The following TEX36 variants were observed in gnomAD, a reference collection of about 807,000 sequenced individuals.
The protein encoded by TEX36 is testis expressed 36.
TEX36 carries 12 observed loss-of-function variants against 13.6 expected under a neutral mutation model. The ratio of observed to expected loss-of-function variants is 0.88; its 90% CI spans 0.56 to 1.43. The LOEUF is 1.43. Among genes scored for constraint, TEX36 ranks in the 40% most tolerant of loss-of-function variants. TEX36 has a pLI of 0.00. For missense variants in TEX36, 224 were observed against 228.3 expected, an observed-to-expected ratio of 0.98 and a Z score of 0.12; for synonymous variants, 93 against 83.0, an observed-to-expected ratio of 1.12 and a Z score of -0.65.
chr10:125,603,487 C>T (rs1846175827), intron 3 of TEX36, among the ~76,000 whole-genome samples: 1 of 152,138 alleles, frequency 6.6e-6, no homozygotes, highest in African/African-American at 2.4e-5. Context: ...TTCTCTAACC[C>T]AGCCCCCAGG....
At chr10:125,612,973 C>G (rs1565174304) in intron 3 of TEX36, among the ~76,000 whole-genome samples, 1 of 151,946 alleles carries the variant, frequency 6.6e-6, no homozygotes, top group Non-Finnish European at 1.5e-5. Flanking sequence ...AAGGCAGCCA[C>G]CAGCCACCCC....
At chr10:125,620,899 T>C (rs1032681563), downstream of TEX36, among the ~76,000 whole-genome samples, 6 of 151,442 alleles carry the variant, frequency 4.0e-5, no homozygotes, top group East Asian at 3.9e-4. Context: ...TTGTGGCTGG[T>C]TTATTTTATT....
chr10:125,591,699 T>G (rs894206427), intron 3 of TEX36, among the ~76,000 whole-genome samples: 10 of 152,226 alleles, frequency 6.6e-5, no homozygotes, highest in African/African-American at 2.4e-4. Context: ...AGTGTAGCTA[T>G]AATACACATG....
intron 3 of TEX36, among the ~76,000 whole-genome samples, chr10:125,643,226 C>T (rs1846715348): frequency 6.6e-6 from 1 of 152,218 alleles, no homozygotes; most frequent in African/African-American, 2.4e-5. Context: ...CTGGGAGCCC[C>T]TACCCAGAAG....
intron 3 of TEX36, among the ~76,000 whole-genome samples, chr10:125,609,040 C>T (rs12765966): frequency 0.27 from 40,255 of 148,282 alleles, 5,477 homozygotes; most frequent in South Asian, 0.31. Context: ...GATGTGGTGG[C>T]GTGCACCTGT....
At chr10:125,581,480 T>G (rs1277422727) in intron 3 of TEX36, among the ~76,000 whole-genome samples, 2 of 152,140 alleles carry the variant, frequency 1.3e-5, no homozygotes, top group Non-Finnish European at 2.9e-5. Flanking sequence ...TCCTGGGTAT[T>G]CTCAATTTCC....
intron 1 of TEX36, chr10:125,667,981 A>G (rs1334775658): frequency 4.9e-6 from 4 of 816,150 alleles, no homozygotes; most frequent in South Asian, 2.8e-5. Context: ...CCAGTGCTTC[A>G]AAGGAAATTT....
Position 125,598,359 on chromosome 10 carries a change from G to T in TEX36, c.265-21485C>A, listed in dbSNP as rs548344441. Among the ~76,000 whole-genome samples, 5 of 152,298 alleles carry T rather than the reference G, an allele frequency of 3.3e-5. No individual in the cohort carries two copies. In the South Asian group the frequency reaches 6.2e-4, roughly 19 times the overall value. ...ACAAAAACTGGGTTAGTTTTTTGGC[G>T]GTGATGGTAACCCTGTCTGGGTGAT... On this transcript the variant is annotated intron_variant, in intron 3 of 3. Transcript: ENST00000532135.
At chr10:125,582,402 G>C (rs1034676146) in intron 3 of TEX36, among the ~76,000 whole-genome samples, 2 of 152,150 alleles carry the variant, frequency 1.3e-5, no homozygotes, top group African/African-American at 4.8e-5. Flanking sequence ...GCTCCACAGG[G>C]CCAGGGTGCA....
intron 3 of TEX36, among the ~76,000 whole-genome samples, chr10:125,644,269 G>C (rs1846734229): frequency 6.6e-6 from 1 of 152,176 alleles, no homozygotes; most frequent in African/African-American, 2.4e-5. Context: ...AGTGCAAATA[G>C]ATAAGTAGAC....
rs147068299 is a variant in TEX36, at chr10:125,579,744, T to A, written c.265-2870A>T. The stretch of plus-strand genomic sequence containing the variant: ...GGTTGTTTAAAAGTGTGTGGCGCCT[T>A]CCCTTTTGTTCTCTTCCTCCTTCTC... On this transcript the variant is annotated intron_variant, in intron 3 of 3. Coordinates refer to the TEX36 transcript ENST00000532135. 3.4e-4 allele frequency among the ~76,000 whole-genome samples: 51 copies of A among 152,206 alleles called. No individual in the cohort carries two copies. The East Asian group carries it at 9.7e-3, about 29-fold the overall frequency.
Position 125,655,942 on chromosome 10 carries a change from C to T in TEX36, c.519G>A (p.Arg173=). The change falls in exon 4 of 4, where the codon AGG becomes AGA. Residue 173 remains arginine, a synonymous_variant. Coordinates refer to ENST00000368821, the MANE Select transcript of TEX36 (RefSeq NM_001128202.3). The part of the protein sequence containing the change: ...TEVLKKKPKV[R]FTVDKKVVSS... ...AAACAACCTTTTTGTCAACAGTGAA[C>T]CTTACTTTGGGCTTCTTTTTCAAAA... 2 of 1,546,378 alleles carry T rather than the reference C, an allele frequency of 1.3e-6. No homozygotes were observed. The highest frequency in any genetic ancestry group is 1.7e-6 in the Non-Finnish European group (2 of 1,144,400).
chr10:125,638,978 A>G (rs933611165), intron 3 of TEX36, among the ~76,000 whole-genome samples: 2 of 152,262 alleles, frequency 1.3e-5, no homozygotes, highest in Non-Finnish European at 2.9e-5. Flanking sequence ...TTCAGTAAAT[A>G]AATAAATGAA....
intron 1 of TEX36, among the ~76,000 whole-genome samples, chr10:125,679,792 T>G (rs1004412511): frequency 6.6e-6 from 1 of 152,248 alleles, no homozygotes. Flanking sequence ...TTCTTCTAAG[T>G]GGGATAGGCG....
At chr10:125,576,640 G>A (rs1217069799) in exon 4 of TEX36, 3 of 1,359,248 alleles carry the variant, frequency 2.2e-6, no homozygotes, top group East Asian at 5.0e-5. Flanking sequence ...AATCCTGGTG[G>A]TTACTAACTA....
At chr10:125,608,300 G>A (rs909515369) in intron 3 of TEX36, among the ~76,000 whole-genome samples, 1 of 152,058 alleles carries the variant, frequency 6.6e-6, no homozygotes, top group South Asian at 2.1e-4. Flanking sequence ...ATGGTTTCAT[G>A]ACTATACATT....
intron 3 of TEX36, among the ~76,000 whole-genome samples, chr10:125,644,818 T>TG (rs1190457718): frequency 1.3e-5 from 2 of 152,226 alleles, no homozygotes; most frequent in Non-Finnish European, 2.9e-5. Context: ...TTATCCTGGT[T>TG]GGGTCAAGCT....
At chr10:125,668,334 C>T (rs1847161892) in intron 1 of TEX36, among the ~76,000 whole-genome samples, 1 of 151,186 alleles carries the variant, frequency 6.6e-6, no homozygotes, top group African/African-American at 2.4e-5. Context: ...ATTACTGATT[C>T]AGTCTCACTA....
At chr10:125,644,719 A>T (rs1016467882) in intron 3 of TEX36, among the ~76,000 whole-genome samples, 3 of 152,228 alleles carry the variant, frequency 2.0e-5, no homozygotes, top group Non-Finnish European at 4.4e-5. Context: ...GAACCTGTGA[A>T]TATGATGCTG....
Sources: gnomAD v4.1 joint callset for allele counts (sites outside exome capture counted in the v4.1 genomes callset) on GRCh38, gnomAD v4.1.1 for gene constraint, MANE v1.5 for transcripts, NCBI Gene and HGNC (gene_info 2026-07-23, HGNC 2026-07-21) for gene names.